Variants in MMP9 observed in about 807,000 individuals in gnomAD.
MMP9 encodes matrix metalloproteinase-9.
In MMP9, 73 loss-of-function variants were observed where a neutral mutation model predicts 76.4. That is an observed-to-expected ratio of 0.96 (90% CI 0.79 to 1.16). MMP9 has a LOEUF of 1.16. Among genes scored for constraint, MMP9 ranks in the 50% most tolerant of loss-of-function variants. The pLI is 0.00. For synonymous variants in MMP9, 412 were observed against 408.4 expected (o/e 1.01, Z -0.11); for missense variants, 943 against 973.0 (o/e 0.97, Z 0.41).
At position 46,009,763 on chromosome 20, in the gene MMP9, GAA is replaced by G. The variant is rs1028936845; in HGVS notation, c.139-98_139-97del. On this transcript the variant is annotated intron_variant, in intron 1 of 12. Coordinates refer to ENST00000372330, the MANE Select transcript of MMP9 (RefSeq NM_004994.3). ...ATACCGTCTCTCCGAAAAAGAAAAA[GAA>G]AAAAGACTCCCTCCATGAGTGTCTG... is the stretch of plus-strand genomic sequence containing the variant. The G allele has an allele frequency of 5.6e-5, 58 of 1,034,418 alleles. No homozygotes were observed. The African/African-American group carries it at 8.0e-4, about 14-fold the overall frequency. The allele number at this position is 1,034,418 out of a possible 1,614,324, so 64.1% of individuals were successfully genotyped here. A position where few individuals can be genotyped will look rare whatever the true frequency, so the allele number is the denominator to read the frequency against.
chr20:46,012,019 A>G, intron 6 of MMP9, 118 bp from the exon 7 acceptor site: 1 of 1,356,166 alleles, frequency 7.4e-7, no homozygotes, highest in Non-Finnish European at 1.0e-6. Flanking sequence ...GCCTCTTCTC[A>G]GGAGTGCTCT....
rs1040940045 is a variant in MMP9 at position 46,010,728 on chromosome 20, C to T, written c.520+97C>T. On this transcript the variant is annotated intron_variant, in intron 3 of 12. Transcript: ENST00000372330. ...GAGGCAGCAGTGGCCCCGGCTTCCT[C>T]TTGCCTGCCCGCGCTGCCCTGGCTT... 1.9e-6 allele frequency: 3 copies of T among 1,543,904 alleles called. No homozygotes were observed. In the East Asian group the frequency reaches 7.3e-5, roughly 37 times the overall value.
rs1473433072 is a variant in MMP9, at chr20:46,013,491, G to A, written c.1567G>A (p.Ala523Thr). The A allele has an allele frequency of 3.7e-6, 6 of 1,614,100 alleles. No homozygotes were observed. The highest frequency in any genetic ancestry group is 1.3e-5 in the African/African-American group (1 of 75,048). The change falls in exon 9 of 13, where the codon GCC becomes ACC. Residue 523 changes from alanine to threonine, a missense_variant. Transcript: ENST00000372330. The surrounding 1 kb of genome is among the most constrained non-coding windows in gnomAD (Gnocchi z 4.5). ...TGCCTGCAACGTGAACATCTTCGAC[G>A]CCATCGCGGAGATTGGGAACCAGCT... The part of the protein sequence containing the change: ...DDACNVNIFD[A>T]IAEIGNQLYL...
At chr20:46,012,043 G>C (rs1260083462) in intron 6 of MMP9, 94 bp from the exon 7 acceptor site, 1 of 1,517,290 alleles carries the variant, frequency 6.6e-7, no homozygotes, top group African/African-American at 1.4e-5. Context: ...GCGCCCCCTA[G>C]GCCACCAAGA....
Position 46,016,319 on chromosome 20 carries a change from A to T in MMP9, c.2075A>T (p.Asp692Val), listed in dbSNP as rs202122827. The T allele has an allele frequency of 1.2e-6, 2 of 1,614,210 alleles. No homozygotes were observed. The highest frequency in any genetic ancestry group is 8.5e-7 in the Non-Finnish European group (1 of 1,180,048). Residue 692 changes from aspartate to valine, a missense_variant, in exon 13 of 13, where the codon GAC becomes GTC. Transcript: ENST00000372330. ...TCCCGGAGTGAGTTGAACCAGGTGG[A>T]CCAAGTGGGCTACGTGACCTATGAC... Reference protein sequence around the residue: ...VSSRSELNQVDQVGYVTYDIL... With the variant: ...VSSRSELNQVVQVGYVTYDIL...
At position 46,012,454 on chromosome 20, in the gene MMP9, A is replaced by G. The variant is rs1384211524; in HGVS notation, c.1202A>G (p.His401Arg). Residue 401 changes from histidine to arginine, a missense_variant, in exon 8 of 13, where the codon CAT becomes CGT. Physicochemically the swap from His to Arg is conservative, Grantham distance 29 (BLOSUM62 0). Coordinates refer to ENST00000372330, the MANE Select transcript of MMP9 (RefSeq NM_004994.3). ...QGYSLFLVAA[H>R]EFGHALGLDH... ...TACAGTTTGTTCCTCGTGGCGGCGC[A>G]TGAGTTCGGCCACGCGCTGGGCTTA... 3 of 1,613,916 alleles carry G rather than the reference A, an allele frequency of 1.9e-6. No homozygotes were observed. The highest frequency in any genetic ancestry group is 2.5e-6 in the Non-Finnish European group (3 of 1,179,962).
In MMP9 at chr20:46,013,343, C is replaced by A; in HGVS notation, c.1419C>A (p.Pro473=). Residue 473 remains proline, a synonymous_variant, in exon 9 of 13, where the codon CCC becomes CCA. Transcript: ENST00000372330. The surrounding 1 kb of genome is among the most constrained non-coding windows in gnomAD (Gnocchi z 4.5). ...CGACGGTCTGCCCCACCGGACCCCCCACTGTCCACCCCTCAGAGCGCCCCA... is the reference window on the plus strand; with the variant it reads ...CGACGGTCTGCCCCACCGGACCCCCAACTGTCCACCCCTCAGAGCGCCCCA... The part of the protein sequence containing the change: ...APPTVCPTGP[P]TVHPSERPTA... 1 of 1,613,500 alleles carries A rather than the reference C, an allele frequency of 6.2e-7. No individual in the cohort carries two copies. The highest frequency in any genetic ancestry group is 1.7e-5 in the Admixed American group (1 of 60,008).
chr20:46,012,419 C>G lies in MMP9; in HGVS notation c.1175-8C>G. ...GGCGCTCACGTCTCAGGCTCCCTCT[C>G]CCTCCAGGATACAGTTTGTTCCTCG... is the stretch of plus-strand genomic sequence containing the variant. On this transcript the variant is annotated splice_polypyrimidine_tract_variant and splice_region_variant and intron_variant, in intron 7 of 12. Coordinates refer to ENST00000372330, the MANE Select transcript of MMP9 (RefSeq NM_004994.3). 6.2e-7 allele frequency: 1 copy of G among 1,614,062 alleles called. No individual in the cohort carries two copies. The highest frequency in any genetic ancestry group is 8.5e-7 in the Non-Finnish European group (1 of 1,179,950).
Position 46,010,907 on chromosome 20 carries a change from G to A in MMP9, c.521-15G>A. ...GTACTCGGCTAACCCTCTTCCTCTC[G>A]ACCTGTTTCTTCAGAGCACGGAGAC... On this transcript the variant is annotated splice_polypyrimidine_tract_variant and intron_variant, in intron 3 of 12. Coordinates refer to ENST00000372330, the MANE Select transcript of MMP9 (RefSeq NM_004994.3). 6.2e-7 allele frequency: 1 copy of A among 1,614,206 alleles called. No individual in the cohort carries two copies. Among genetic ancestry groups the A allele is most frequent in the Non-Finnish European group, 8.5e-7 (1 of 1,180,054 alleles).
At position 46,010,515 on chromosome 20, in the gene MMP9, C is replaced by T. The variant is rs757458476; in HGVS notation, c.404C>T (p.Ala135Val). Reference sequence around the variant, plus strand: ...AACTACTCGGAAGACTTGCCGCGGGCGGTGATTGACGACGCCTTTGCCCGC... The same window carrying T: ...AACTACTCGGAAGACTTGCCGCGGGTGGTGATTGACGACGCCTTTGCCCGC... The part of the protein sequence containing the change: ...IQNYSEDLPR[A>V]VIDDAFARAF... The change falls in exon 3 of 13, where the codon GCG becomes GTG. Residue 135 changes from alanine (A) to valine (V), a missense_variant. Ala to Val is a moderately conservative substitution (Grantham distance 64, BLOSUM62 0). Coordinates refer to ENST00000372330, the MANE Select transcript of MMP9 (RefSeq NM_004994.3). 3 of 1,614,204 alleles carry T rather than the reference C, an allele frequency of 1.9e-6. No homozygotes were observed. Among genetic ancestry groups the T allele is most frequent in the Non-Finnish European group, 2.5e-6 (3 of 1,180,046 alleles).
At position 46,010,485 on chromosome 20, in the gene MMP9, T is replaced by A. The variant is rs200144358; in HGVS notation, c.374T>A (p.Ile125Asn). The change falls in exon 3 of 13, where the codon ATC becomes AAC. Residue 125 changes from isoleucine (I) to asparagine (N), a missense_variant and splice_region_variant. Coordinates refer to ENST00000372330, the MANE Select transcript of MMP9 (RefSeq NM_004994.3). ...TTCCTCTGGCTCTTACGCTACAGGA[T>A]CCAAAACTACTCGGAAGACTTGCCG... The part of the protein sequence containing the change: ...KWHHHNITYW[I>N]QNYSEDLPRA... The A allele has an allele frequency of 3.1e-6, 5 of 1,614,096 alleles. No homozygotes were observed. Among genetic ancestry groups the A allele is most frequent in the East Asian group, 2.2e-5 (1 of 44,892 alleles).
intron 12 of MMP9, among the ~76,000 whole-genome samples, chr20:46,016,020 A>G (rs1265115552): frequency 6.6e-6 from 1 of 152,228 alleles, no homozygotes; most frequent in Non-Finnish European, 1.5e-5. Flanking sequence ...TGTATGGTGT[A>G]CCTACTGTGT....
At position 46,013,116 on chromosome 20, in the gene MMP9, G is replaced by A; in HGVS notation, c.1331-139G>A. 3 of 985,446 alleles carry A rather than the reference G, an allele frequency of 3.0e-6. No homozygotes were observed. The highest frequency in any genetic ancestry group is 4.9e-6 in the Non-Finnish European group (3 of 617,606). The allele number at this position is 985,446 out of a possible 1,614,324, so 61.0% of individuals were successfully genotyped here. A position where few individuals can be genotyped will look rare whatever the true frequency, so the allele number is the denominator to read the frequency against. ...CGAAAAAGAAGAAGAAGAAAGTCCT[G>A]TGGTTTGGGAAGGGAGGCTGAGTGA... On this transcript the variant is annotated intron_variant, in intron 8 of 12. Coordinates refer to ENST00000372330, the MANE Select transcript of MMP9 (RefSeq NM_004994.3). The surrounding 1 kb of genome is among the most constrained non-coding windows in gnomAD (Gnocchi z 4.5).
At chr20:46,010,433 C>T (rs762336901) in intron 2 of MMP9, 50 bp from the exon 3 acceptor site, 13 of 1,609,630 alleles carry the variant, frequency 8.1e-6, no homozygotes, top group East Asian at 2.2e-5. Context: ...CCTGCTGCCC[C>T]GCTCCAGCCT....
rs45482493 is a variant in MMP9 at position 46,009,991 on chromosome 20, C to T, written c.264C>T (p.Ser88=). 47 of 1,551,762 alleles carry T rather than the reference C, an allele frequency of 3.0e-5. No individual in the cohort carries two copies. Among genetic ancestry groups the T allele is most frequent in the Admixed American group, 5.9e-5 (3 of 51,022 alleles). Residue 88 remains serine (S), a synonymous_variant, in exon 2 of 13, where the codon AGC becomes AGT. Coordinates refer to ENST00000372330, the MANE Select transcript of MMP9 (RefSeq NM_004994.3). ...LSLPETGELD[S]ATLKAMRTPR... ...TGCCCGAGACCGGTGAGCTGGATAG[C>T]GCCACGCTGAAGGCCATGCGAACCC...
Position 46,010,455 on chromosome 20 carries a change from C to A in MMP9, c.372-28C>A, listed in dbSNP as rs1330721070. 3 of 1,613,280 alleles carry A rather than the reference C, an allele frequency of 1.9e-6. No homozygotes were observed. In the South Asian group the frequency reaches 3.3e-5, roughly 18 times the overall value. ...CCCCGCTCCAGCCTTTCACTTCTGACCTCCTTCCTCTGGCTCTTACGCTAC... is the reference window on the plus strand; with the variant it reads ...CCCCGCTCCAGCCTTTCACTTCTGAACTCCTTCCTCTGGCTCTTACGCTAC... On this transcript the variant is annotated intron_variant, in intron 2 of 12. Transcript: ENST00000372330.
Position 46,011,277 on chromosome 20 carries a change from T to C in MMP9, c.784T>C (p.Tyr262His), listed in dbSNP as rs767027217. Reference sequence around the variant, plus strand: ...GCCCTGGTGCAGTACCACGGCCAACTACGACACCGACGACCGGTTTGGCTT... The same window carrying C: ...GCCCTGGTGCAGTACCACGGCCAACCACGACACCGACGACCGGTTTGGCTT... ...GLPWCSTTAN[Y>H]DTDDRFGFCP... Residue 262 changes from tyrosine to histidine, a missense_variant, in exon 5 of 13, where the codon TAC (tyrosine) becomes CAC (histidine). Transcript: ENST00000372330. The C allele has an allele frequency of 1.2e-6, 2 of 1,609,816 alleles. No homozygotes were observed. Among genetic ancestry groups the C allele is most frequent in the Non-Finnish European group, 1.7e-6 (2 of 1,179,028 alleles).
intron 2 of MMP9, 59 bp downstream of exon 2, chr20:46,010,157 G>C: frequency 6.9e-7 from 1 of 1,454,182 alleles, no homozygotes; most frequent in Non-Finnish European, 9.3e-7. Flanking sequence ...TGGCTCTTGG[G>C]CCAGCGGTGA....
chr20:46,015,453 C>CTTTTTTT (rs199508388), intron 12 of MMP9, among the ~76,000 whole-genome samples: 14 of 125,576 alleles, frequency 1.1e-4, no homozygotes, highest in East Asian at 2.4e-4. Context: ...TTTCTTTTTT[C>CTTTTTTT]TTTTTTTTTT....
Sources: gnomAD v4.1 joint callset for allele counts (sites outside exome capture counted in the v4.1 genomes callset) on GRCh38, gnomAD v4.1.1 for gene constraint, Gnocchi (gnomAD v3.1) non-coding constraint, MANE v1.5 for transcripts, NCBI Gene and HGNC (gene_info 2026-07-23, HGNC 2026-07-21) for gene names.